Variants in TRPM3 observed in about 807,000 individuals in gnomAD.
TRPM3 encodes the protein long transient receptor potential channel 3.
A neutral mutation model predicts 181.2 loss-of-function variants in TRPM3; 77 were observed. The observed-to-expected ratio is 0.42, with a 90% CI of 0.35 to 0.51. The LOEUF (loss-of-function observed/expected upper bound fraction) is 0.51, where lower values mean the gene tolerates loss of function less well. Ranked by LOEUF, TRPM3 falls within the 20% of genes least tolerant of loss-of-function variation. The probability of loss-of-function intolerance (pLI) is 0.01; values close to 1 mark genes in which losing one functional copy is unlikely to be tolerated. For synonymous variants in TRPM3, 745 were observed against 796.4 expected (o/e 0.94, Z 1.09); for missense variants, 1,759 against 2,196.7 (o/e 0.80, Z 3.98).
intron 1 of TRPM3, among the ~76,000 whole-genome samples, chr9:71,005,172 C>A (rs2097660293): frequency 6.7e-6 from 1 of 149,404 alleles, no homozygotes; most frequent in African/African-American, 2.6e-5. Flanking sequence ...CTTAGGAAGG[C>A]CAGGTGGGCA....
chr9:71,204,844 A>C (rs2131753659), intron 1 of TRPM3, among the ~76,000 whole-genome samples: 1 of 152,350 alleles, frequency 6.6e-6, no homozygotes, highest in Non-Finnish European at 1.5e-5. Context: ...CTGGATTAAG[A>C]AAATGTGGCA....
intron 6 of TRPM3, among the ~76,000 whole-genome samples, chr9:70,804,291 C>T (rs866738944): frequency 1.1e-4 from 17 of 152,140 alleles, no homozygotes; most frequent in African/African-American, 3.9e-4. Flanking sequence ...GATTGCACTA[C>T]TGGGCAACAG....
chr9:71,060,271 G>C (rs1194415257), intron 1 of TRPM3, among the ~76,000 whole-genome samples: 2 of 152,058 alleles, frequency 1.3e-5, no homozygotes, highest in African/African-American at 4.8e-5. Context: ...GACTGGGTGA[G>C]AGGAAAGACA....
chr9:71,243,120 C>T (rs1404000129), intron 1 of TRPM3, among the ~76,000 whole-genome samples: 1 of 152,196 alleles, frequency 6.6e-6, no homozygotes, highest in East Asian at 1.9e-4. Flanking sequence ...CAGCTCACTG[C>T]AACCTCTGCC....
At chr9:71,247,434 T>G (rs73469327) in intron 1 of TRPM3, among the ~76,000 whole-genome samples, 41,035 of 150,324 alleles carry the variant, frequency 0.27, 6,648 homozygotes, top group African/African-American at 0.45. Context: ...CATTGCATAC[T>G]GAGTAAAGGA....
At chr9:70,577,767 A>G (rs1286465773) in intron 22 of TRPM3, among the ~76,000 whole-genome samples, 1 of 152,242 alleles carries the variant, frequency 6.6e-6, no homozygotes, top group Non-Finnish European at 1.5e-5. Flanking sequence ...CCAGTCTTTT[A>G]GTGCATGACC....
chr9:71,312,559 A>T (rs1273918186), intron 1 of TRPM3, among the ~76,000 whole-genome samples: 1 of 152,174 alleles, frequency 6.6e-6, no homozygotes, highest in Non-Finnish European at 1.5e-5. Context: ...ACATTTAATC[A>T]AATGAATTGC....
At chr9:71,232,540 G>T (rs1025008865) in intron 1 of TRPM3, among the ~76,000 whole-genome samples, 1 of 118,036 alleles carries the variant, frequency 8.5e-6, no homozygotes, top group Non-Finnish European at 1.6e-5. Context: ...TTGCTCTGTC[G>T]CCGAGGCTGG....
chr9:71,048,988 A>G (rs1028509523), intron 1 of TRPM3, among the ~76,000 whole-genome samples: 36 of 152,188 alleles, frequency 2.4e-4, no homozygotes, highest in Admixed American at 2.4e-3. Flanking sequence ...GAAATTATTC[A>G]TTCCCTTCAA....
At chr9:70,845,250 G>T (rs1337027) in intron 4 of TRPM3, among the ~76,000 whole-genome samples, 1 of 151,898 alleles carries the variant, frequency 6.6e-6, no homozygotes, top group Non-Finnish European at 1.5e-5. Flanking sequence ...TGTTATTTTT[G>T]TTTTTTGAGA....
chr9:70,752,622 G>A (rs1564128762), intron 8 of TRPM3, among the ~76,000 whole-genome samples: 1 of 152,190 alleles, frequency 6.6e-6, no homozygotes, highest in Non-Finnish European at 1.5e-5. Context: ...GGTGCCATGA[G>A]ATTATAATAT....
Position 70,553,144 on chromosome 9 carries a change from C to T in TRPM3, c.3374+16G>A, listed in dbSNP as rs752211489. On this transcript the variant is annotated intron_variant, in intron 23 of 25. Coordinates refer to ENST00000677713, the MANE Select transcript of TRPM3 (RefSeq NM_001366145.2). The stretch of plus-strand genomic sequence containing the variant: ...CTGTCCTCATCCATCCCACGTGCTC[C>T]AAAGGACCCACTTACTTAAAGACAG... 8.1e-6 allele frequency: 13 copies of T among 1,614,008 alleles called. No individual in the cohort carries two copies. The African/African-American group carries it at 1.6e-4, about 20-fold the overall frequency.
chr9:70,883,676 G>T (rs1185960217), intron 1 of TRPM3, among the ~76,000 whole-genome samples: 2 of 152,250 alleles, frequency 1.3e-5, no homozygotes, highest in East Asian at 3.9e-4. Flanking sequence ...TGAGCCAAAG[G>T]TACCAGAAAA....
chr9:71,120,017 G>C (rs1287296238), intron 1 of TRPM3, among the ~76,000 whole-genome samples: 1 of 152,144 alleles, frequency 6.6e-6, no homozygotes, highest in African/African-American at 2.4e-5. Context: ...ACAAGAAAAG[G>C]AAAACTCAGG....
Position 71,279,038 on chromosome 9 carries a change from A to AAAAAAT in TRPM3, c.183+167609_183+167614dup, listed in dbSNP as rs746792776. On this transcript the variant is annotated intron_variant, in intron 1 of 24. Coordinates refer to the TRPM3 transcript ENST00000357533. The stretch of plus-strand genomic sequence containing the variant: ...ACCAAACTTATCCTGCTTAGGTTAA[A>AAAAAAT]AAAAATAAAAATAAAAATAAAAATA... Among the ~76,000 whole-genome samples the AAAAAAT allele has an allele frequency of 6.3e-5, 6 of 94,832 alleles. 1 individual carries two copies. Among genetic ancestry groups the AAAAAAT allele is most frequent in the African/African-American group, 1.5e-4 (3 of 20,472 alleles). 62.2% of individuals were successfully genotyped at this position (94,832 alleles called of 152,430 possible). A position where few individuals can be genotyped will look rare whatever the true frequency, so the allele number is the denominator to read the frequency against.
At chr9:70,816,918 C>T (rs1458117216) in intron 6 of TRPM3, among the ~76,000 whole-genome samples, 1 of 152,212 alleles carries the variant, frequency 6.6e-6, no homozygotes, top group African/African-American at 2.4e-5. Flanking sequence ...CAAGACTTAT[C>T]ACTAAGAAGC....
intron 1 of TRPM3, among the ~76,000 whole-genome samples, chr9:71,079,780 T>C: frequency 6.6e-6 from 1 of 152,112 alleles, no homozygotes; most frequent in African/African-American, 2.4e-5. Flanking sequence ...GGGGTTGGAT[T>C]AGAAAGGCTC....
chr9:70,635,570 C>T (rs2057043092), intron 11 of TRPM3, among the ~76,000 whole-genome samples: 1 of 150,962 alleles, frequency 6.6e-6, no homozygotes, highest in African/African-American at 2.4e-5. Context: ...TCACCTTAGC[C>T]TCCTGAGTAG....
At chr9:70,870,175 C>G (rs1398078461) in intron 1 of TRPM3, among the ~76,000 whole-genome samples, 4 of 151,896 alleles carry the variant, frequency 2.6e-5, no homozygotes, top group African/African-American at 9.7e-5. Flanking sequence ...TGTGGACACT[C>G]AATAAGCATA....
Sources: gnomAD v4.1 joint callset for allele counts (sites outside exome capture counted in the v4.1 genomes callset) on GRCh38, gnomAD v4.1.1 for gene constraint, MANE v1.5 for transcripts, NCBI Gene and HGNC (gene_info 2026-07-23, HGNC 2026-07-21) for gene names.